Variants in TMEM132E observed in about 807,000 individuals in gnomAD.
TMEM132E encodes the protein transmembrane protein 132E.
In TMEM132E, 49 loss-of-function variants were observed where a neutral mutation model predicts 78.5. The ratio of observed to expected loss-of-function variants is 0.62; its 90% CI spans 0.50 to 0.79. The LOEUF is 0.79. TMEM132E is among the 30% of genes least tolerant of loss of function. The pLI is 0.00. For missense variants in TMEM132E, 1,403 were observed against 1,470.9 expected, an observed-to-expected ratio of 0.95 and a Z score of 0.75; for synonymous variants, 715 against 670.6, an observed-to-expected ratio of 1.07 and a Z score of -1.02.
chr17:34,592,484 G>C (rs1445623906), intron 1 of TMEM132E, among the ~76,000 whole-genome samples: 2 of 152,242 alleles, frequency 1.3e-5, no homozygotes, highest in African/African-American at 4.8e-5. Flanking sequence ...AAGGAACACA[G>C]GCCTCCCTAA....
chr17:34,602,032 G>A lies in TMEM132E; in HGVS notation c.67+20889G>A, dbSNP rs188510414. On this transcript the variant is annotated intron_variant, in intron 1 of 8. Coordinates refer to ENST00000631683, the MANE Select transcript of TMEM132E (RefSeq NM_001304438.2). The stretch of plus-strand genomic sequence containing the variant: ...CACAAGGCACTGGGTCCATGGTCTG[G>A]CCCCTTGGGAGTCCTGCTACCATGG... 1.1e-3 allele frequency among the ~76,000 whole-genome samples: 172 copies of A among 152,314 alleles called. 1 individual carries two copies. Among genetic ancestry groups the A allele is most frequent in the Non-Finnish European group, 1.6e-3 (108 of 68,034 alleles).
chr17:34,590,081 G>GCT (rs1905815875), intron 1 of TMEM132E, among the ~76,000 whole-genome samples: 1 of 152,184 alleles, frequency 6.6e-6, no homozygotes, highest in Non-Finnish European at 1.5e-5. Flanking sequence ...AGAGGGCTGG[G>GCT]CTCCATCCTG....
chr17:34,595,297 A>G lies in TMEM132E; in HGVS notation c.67+14154A>G, dbSNP rs113227897. Among the ~76,000 whole-genome samples, 1,320 of 152,374 alleles carry G rather than the reference A, an allele frequency of 8.7e-3. 16 individuals are homozygous for G. The highest frequency in any genetic ancestry group is 0.03 in the African/African-American group (1,250 of 41,588). On this transcript the variant is annotated intron_variant, in intron 1 of 8. Coordinates refer to ENST00000631683, the MANE Select transcript of TMEM132E (RefSeq NM_001304438.2). ...AGTCTTCTTACCTGTAAGGTGGTCTATACTGAACAGTGCCCACCTCTTAGA... is the reference window on the plus strand; with the variant it reads ...AGTCTTCTTACCTGTAAGGTGGTCTGTACTGAACAGTGCCCACCTCTTAGA...
At chr17:34,587,761 C>T (rs1168393267) in intron 1 of TMEM132E, among the ~76,000 whole-genome samples, 2 of 152,252 alleles carry the variant, frequency 1.3e-5, no homozygotes, top group Non-Finnish European at 2.9e-5. Context: ...CACGGCCACA[C>T]ACTGCTAAGC....
At chr17:34,611,063 A>T (rs569200705) in intron 1 of TMEM132E, among the ~76,000 whole-genome samples, 70 of 152,366 alleles carry the variant, frequency 4.6e-4, no homozygotes, top group Admixed American at 1.2e-3. Flanking sequence ...ATCAGCCCAT[A>T]GCCTCTAGTC....
intron 1 of TMEM132E, among the ~76,000 whole-genome samples, chr17:34,618,517 C>T (rs1429899041): frequency 6.6e-6 from 1 of 151,996 alleles, no homozygotes; most frequent in Non-Finnish European, 1.5e-5. Context: ...TAGGAGTAAG[C>T]CACCATGCCC....
At chr17:34,625,339 G>A (rs1258682712) in intron 1 of TMEM132E, among the ~76,000 whole-genome samples, 4 of 152,122 alleles carry the variant, frequency 2.6e-5, no homozygotes, top group African/African-American at 9.7e-5. Context: ...TGGTTATATA[G>A]TCTGTGGCCA....
chr17:34,609,878 G>A (rs1906531383), intron 1 of TMEM132E, among the ~76,000 whole-genome samples: 1 of 152,092 alleles, frequency 6.6e-6, no homozygotes, highest in Non-Finnish European at 1.5e-5. Flanking sequence ...AAAGCCCTTT[G>A]TTCTCTTGGT....
Position 34,629,365 on chromosome 17 carries a change from G to A in TMEM132E, c.1338+161G>A, listed in dbSNP as rs189298108. 2.6e-5 allele frequency among the ~76,000 whole-genome samples: 4 copies of A among 152,350 alleles called. No individual in the cohort carries two copies. The East Asian group carries it at 5.8e-4, about 22-fold the overall frequency. On this transcript the variant is annotated intron_variant, in intron 4 of 8. Coordinates refer to ENST00000631683, the MANE Select transcript of TMEM132E (RefSeq NM_001304438.2). ...GGTATGCCTGTGTGAGAAGGTGCATGCATGTGTTTTATATTTGTCGGGCCA... is the reference window on the plus strand; with the variant it reads ...GGTATGCCTGTGTGAGAAGGTGCATACATGTGTTTTATATTTGTCGGGCCA...
At chr17:34,587,744 A>G (rs985731018) in intron 1 of TMEM132E, among the ~76,000 whole-genome samples, 2 of 152,098 alleles carry the variant, frequency 1.3e-5, no homozygotes, top group South Asian at 2.1e-4. Context: ...GTGCACACCC[A>G]CTCAGTCACG....
At chr17:34,596,994 C>T (rs1209729959) in intron 1 of TMEM132E, among the ~76,000 whole-genome samples, 1 of 152,138 alleles carries the variant, frequency 6.6e-6, no homozygotes, top group Non-Finnish European at 1.5e-5. Context: ...CACGCAGCCC[C>T]TCTGCTCCAA....
At chr17:34,605,053 T>A (rs1906367869) in intron 1 of TMEM132E, among the ~76,000 whole-genome samples, 3 of 152,162 alleles carry the variant, frequency 2.0e-5, no homozygotes, top group Non-Finnish European at 4.4e-5. Flanking sequence ...CTGTCCAGAA[T>A]CACTGGGTGA....
chr17:34,613,845 C>T (rs1906693643), intron 1 of TMEM132E, among the ~76,000 whole-genome samples: 5 of 152,042 alleles, frequency 3.3e-5, no homozygotes, highest in Admixed American at 3.3e-4. Context: ...CAGACCCTCT[C>T]CCTGGAGCCT....
chr17:34,626,819 C>A lies in TMEM132E; in HGVS notation c.760C>A (p.Pro254Thr), dbSNP rs780912440. 3.9e-6 allele frequency: 6 copies of A among 1,540,508 alleles called. No homozygotes were observed. In the African/African-American group the frequency reaches 8.2e-5, roughly 21 times the overall value. ...CGGGGGCTCCCGCCGGGGGGCCGGG[C>A]CCGGGGTGGGGGCCCGAGCGGAAAG... is the stretch of plus-strand genomic sequence containing the variant. ...GCGGSRRGAG[P>T]GVGARAESPT... Residue 254 changes from proline (P) to threonine (T), a missense_variant, in exon 2 of 9, where the codon CCC becomes ACC. By Grantham distance (38) the Pro-to-Thr change is conservative. Transcript: ENST00000631683.
At chr17:34,597,930 C>T (rs1906113165) in intron 1 of TMEM132E, among the ~76,000 whole-genome samples, 1 of 152,192 alleles carries the variant, frequency 6.6e-6, no homozygotes, top group Non-Finnish European at 1.5e-5. Context: ...GAGCAAGTCC[C>T]TTCCCTCCCT....
rs536358465 is a variant in TMEM132E at position 34,600,240 on chromosome 17, A to C, written c.67+19097A>C. Among the ~76,000 whole-genome samples the C allele has an allele frequency of 2.0e-5, 3 of 152,348 alleles. No individual in the cohort carries two copies. The East Asian group carries it at 5.8e-4, about 29-fold the overall frequency. ...TCAATAAATATTGACTGAAGGAATT[A>C]TGGGTAAACTCTGTTTGGTGGGCTA... is the stretch of plus-strand genomic sequence containing the variant. On this transcript the variant is annotated intron_variant, in intron 1 of 8. Coordinates refer to ENST00000631683, the MANE Select transcript of TMEM132E (RefSeq NM_001304438.2).
intron 1 of TMEM132E, among the ~76,000 whole-genome samples, chr17:34,623,104 C>A (rs2142076330): frequency 6.6e-6 from 1 of 152,238 alleles, no homozygotes; most frequent in East Asian, 1.9e-4. Flanking sequence ...TCAGTGTAAT[C>A]CAAGAACAGC....
In TMEM132E at chr17:34,637,692, G is replaced by A. The variant is rs772035526; in HGVS notation, c.2685G>A (p.Leu895=). 1.2e-6 allele frequency: 2 copies of A among 1,611,916 alleles called. No homozygotes were observed. The highest frequency in any genetic ancestry group is 3.3e-5 in the Admixed American group (2 of 60,032). The change falls in exon 9 of 9, where the codon CTG becomes CTA. Residue 895 remains leucine, a synonymous_variant. Transcript: ENST00000631683. ...TDLEIGMYAL[L]GVFCLAILVF... Reference sequence around the variant, plus strand: ...TGGAGATCGGCATGTACGCGCTGCTGGGCGTCTTCTGCCTCGCCATCCTCG... The same window carrying A: ...TGGAGATCGGCATGTACGCGCTGCTAGGCGTCTTCTGCCTCGCCATCCTCG...
At chr17:34,622,163 AC>A (rs1157561833) in intron 1 of TMEM132E, among the ~76,000 whole-genome samples, 3 of 152,146 alleles carry the variant, frequency 2.0e-5, no homozygotes. Context: ...AACTTGACAG[AC>A]CAACTGATCT....
Sources: allele counts gnomAD v4.1 joint callset (sites outside exome capture counted in the v4.1 genomes callset), GRCh38; gene constraint gnomAD v4.1.1; transcripts MANE v1.5; gene names NCBI Gene and HGNC (gene_info 2026-07-23, HGNC 2026-07-21).